Variants in ZNF114 observed in about 807,000 individuals in gnomAD.
ZNF114 encodes zinc finger protein 114 (Y18).
Under a neutral mutation model 6.8 loss-of-function variants are expected in ZNF114, and 8 were observed. The ratio of observed to expected loss-of-function variants is 1.18; its 90% CI spans 0.69 to 2.13. The LOEUF is 2.13. Ranked by LOEUF, ZNF114 falls within the 30% of genes most tolerant of loss-of-function variation. The probability of loss-of-function intolerance (pLI) is 0.00; values close to 1 mark genes in which losing one functional copy is unlikely to be tolerated. For synonymous variants in ZNF114, 169 were observed against 185.5 expected, an observed-to-expected ratio of 0.91 and a Z score of 0.72; for missense variants, 472 against 519.5, an observed-to-expected ratio of 0.91 and a Z score of 0.89.
Position 48,286,560 on chromosome 19 carries a change from CT to C in ZNF114, c.943del (p.Tyr315IlefsTer6), listed in dbSNP as rs751350196. 96 of 1,614,064 alleles carry C rather than the reference CT, an allele frequency of 5.9e-5. 3 individuals are homozygous for C. Among genetic ancestry groups the C allele is most frequent in the South Asian group, 5.5e-4 (50 of 91,070 alleles). ...THKCPECGRA[F>X]FYQSFLMRHM... ...ATAAATGCCCCGAATGTGGGAGAGC[CT>C]TTTTTTATCAGTCATTCCTTATGAG... is the stretch of plus-strand genomic sequence containing the variant. On this transcript the variant is annotated frameshift_variant, in exon 6 of 6. Transcript: ENST00000595607. LOFTEE classifies it low-confidence loss of function (END_TRUNC).
intron 3 of ZNF114, among the ~76,000 whole-genome samples, chr19:48,277,561 A>G (rs1384894360): frequency 6.6e-6 from 1 of 151,854 alleles, no homozygotes; most frequent in Non-Finnish European, 1.5e-5. Context: ...GTGTGTTTCC[A>G]TCAATTGCAA....
At chr19:48,283,696 C>A (rs35546344) in intron 5 of ZNF114, among the ~76,000 whole-genome samples, 1 of 151,472 alleles carries the variant, frequency 6.6e-6, no homozygotes, top group Non-Finnish European at 1.5e-5. Context: ...TGGGAGGAGA[C>A]GCTCAAATTC....
chr19:48,271,436 G>C lies in ZNF114; in HGVS notation c.-185G>C, dbSNP rs1460997281. 1 of 151,934 alleles carries C rather than the reference G, an allele frequency of 6.6e-6. No homozygotes were observed. Among genetic ancestry groups the C allele is most frequent in the Non-Finnish European group, 1.5e-5 (1 of 68,112 alleles). The allele number at this position is 151,934 out of a possible 1,614,324, so 9.4% of individuals were successfully genotyped here. A position where few individuals can be genotyped will look rare whatever the true frequency, so the allele number is the denominator to read the frequency against. On this transcript the variant is annotated 5_prime_UTR_variant, in exon 2 of 6. Coordinates refer to ENST00000595607, the MANE Select transcript of ZNF114 (RefSeq NM_153608.4). ...AGGCTGGGGTTTCCTGCTTGGATCA[G>C]GAGTGCCTGGGGAGTAAGTTCTACA... is the stretch of plus-strand genomic sequence containing the variant.
At chr19:48,281,878 C>G (rs1052040459) in intron 4 of ZNF114, among the ~76,000 whole-genome samples, 1 of 149,582 alleles carries the variant, frequency 6.7e-6, no homozygotes, top group Non-Finnish European at 1.5e-5. Flanking sequence ...CCACCCAACC[C>G]CCAGTACAAC....
In ZNF114 at chr19:48,279,817, G is replaced by C. The variant is rs745548545; in HGVS notation, c.9+9G>C. On this transcript the variant is annotated intron_variant, in intron 4 of 5. Coordinates refer to ENST00000595607, the MANE Select transcript of ZNF114 (RefSeq NM_153608.4). ...TGACAAATATGTCCCAGGTAAGTTG[G>C]CAGCTCACCCTCTCCCAGAAGCGTG... 2.5e-6 allele frequency: 4 copies of C among 1,613,826 alleles called. No individual in the cohort carries two copies. In the African/African-American group the frequency reaches 5.3e-5, roughly 22 times the overall value.
Position 48,283,610 on chromosome 19 carries a change from G to A in ZNF114, c.136+1113G>A, listed in dbSNP as rs753237298. The stretch of plus-strand genomic sequence containing the variant: ...CAGCAGCATGGTAACAGAGCAACAG[G>A]CTCGCCACTGAGACAGCAGGGTTTG... On this transcript the variant is annotated intron_variant, in intron 5 of 5. Transcript: ENST00000595607. Among the ~76,000 whole-genome samples the A allele has an allele frequency of 8.6e-4, 131 of 152,224 alleles. 1 individual carries two copies. The highest frequency in any genetic ancestry group is 3.7e-4 in the Non-Finnish European group (25 of 67,998).
chr19:48,286,733 T>C lies in ZNF114; in HGVS notation c.1109T>C (p.Ile370Thr). The C allele has an allele frequency of 6.2e-7, 1 of 1,613,822 alleles. No individual in the cohort carries two copies. The highest frequency in any genetic ancestry group is 8.5e-7 in the Non-Finnish European group (1 of 1,179,968). ...PYECEECGKVIRESSKYTHIR... is the reference protein window; with the variant it reads ...PYECEECGKVTRESSKYTHIR... The stretch of plus-strand genomic sequence containing the variant: ...GAATGTGAAGAATGTGGGAAAGTCA[T>C]TCGGGAGTCCTCAAAATATACACAT... Residue 370 changes from isoleucine (I) to threonine (T), a missense_variant, in exon 6 of 6, where the codon ATT becomes ACT. Transcript: ENST00000595607.
Position 48,272,673 on chromosome 19 carries a change from C to CAAAAAAAAAAAAAA in ZNF114, c.-70+857_-70+870dup, listed in dbSNP as rs57823987. On this transcript the variant is annotated intron_variant, in intron 3 of 5. Coordinates refer to ENST00000595607, the MANE Select transcript of ZNF114 (RefSeq NM_153608.4). ...TGGGCGACAGAGCAAGACTCTCTCT[C>CAAAAAAAAAAAAAA]AAAAAAAAAAAAAAAAAAAAAAAAA... 2.7e-3 allele frequency among the ~76,000 whole-genome samples: 105 copies of CAAAAAAAAAAAAAA among 39,220 alleles called. 10 individuals are homozygous for CAAAAAAAAAAAAAA. Among genetic ancestry groups the CAAAAAAAAAAAAAA allele is most frequent in the African/African-American group, 6.7e-3 (57 of 8,550 alleles). 25.7% of individuals were successfully genotyped at this position (39,220 alleles called of 152,430 possible).
At chr19:48,270,731 A>G (rs1014223024) in intron 1 of ZNF114, among the ~76,000 whole-genome samples, 1 of 149,780 alleles carries the variant, frequency 6.7e-6, no homozygotes, top group Non-Finnish European at 1.5e-5. Flanking sequence ...AAAGAAAGAG[A>G]AAAAAGGGAA....
At position 48,286,164 on chromosome 19, in the gene ZNF114, G is replaced by A; in HGVS notation, c.540G>A (p.Leu180=). The change falls in exon 6 of 6, where the codon TTG becomes TTA. Residue 180 remains leucine (L), a synonymous_variant. Coordinates refer to ENST00000595607, the MANE Select transcript of ZNF114 (RefSeq NM_153608.4). ...THENNEDDGV[L]GWNIQWVPCG... is the part of the protein sequence containing the mutation. ...AAAACAACGAAGACGATGGAGTCTT[G>A]GGGTGGAACATTCAGTGGGTTCCGT... The A allele has an allele frequency of 1.2e-6, 2 of 1,614,198 alleles. No homozygotes were observed.
At position 48,286,696 on chromosome 19, in the gene ZNF114, A is replaced by G. The variant is rs777196307; in HGVS notation, c.1072A>G (p.Lys358Glu). 4.3e-6 allele frequency: 7 copies of G among 1,613,350 alleles called. No homozygotes were observed. In the Admixed American group the frequency reaches 1.2e-4, roughly 27 times the overall value. ...NKHLRKHVVQ[K>E]KPYECEECGK... ...ACATTTAAGAAAGCATGTTGTGCAG[A>G]AGAAGCCCTACGAATGTGAAGAATG... The change falls in exon 6 of 6, where the codon AAG becomes GAG. Residue 358 changes from lysine (K) to glutamate (E), a missense_variant. Coordinates refer to ENST00000595607, the MANE Select transcript of ZNF114 (RefSeq NM_153608.4).
chr19:48,277,076 G>A (rs1488011418), intron 3 of ZNF114, among the ~76,000 whole-genome samples: 1 of 152,068 alleles, frequency 6.6e-6, no homozygotes, highest in Non-Finnish European at 1.5e-5. Context: ...CAGGAGAATT[G>A]CTTGAACCCA....
intron 5 of ZNF114, among the ~76,000 whole-genome samples, chr19:48,285,082 T>C (rs1968083012): frequency 6.6e-6 from 1 of 152,242 alleles, no homozygotes. Flanking sequence ...GTTGAACCCC[T>C]GACCTTACCG....
intron 5 of ZNF114, among the ~76,000 whole-genome samples, chr19:48,283,341 C>T (rs1911025016): frequency 1.3e-5 from 2 of 152,178 alleles, no homozygotes; most frequent in African/African-American, 4.8e-5. Context: ...CTTCTATTCA[C>T]ACATCATCAG....
At chr19:48,279,455 TG>T (rs1366327797) in intron 3 of ZNF114, among the ~76,000 whole-genome samples, 1 of 26,100 alleles carries the variant, frequency 3.8e-5, no homozygotes, top group East Asian at 1.7e-3. Flanking sequence ...GGGGCGGGGG[TG>T]GGGGGATGGG....
At chr19:48,275,994 G>A (rs1190474364) in intron 3 of ZNF114, among the ~76,000 whole-genome samples, 1 of 142,564 alleles carries the variant, frequency 7.0e-6, no homozygotes, top group African/African-American at 2.5e-5. Context: ...AAAAAAAAAA[G>A]CTATAATGGC....
At chr19:48,273,654 T>C (rs1370851382) in intron 3 of ZNF114, among the ~76,000 whole-genome samples, 1 of 151,928 alleles carries the variant, frequency 6.6e-6, no homozygotes, top group Non-Finnish European at 1.5e-5. Flanking sequence ...AGACGTGGAA[T>C]GTTGTGTCTC....
rs1967883346 is a variant in ZNF114, at chr19:48,277,797, GTGTGTGTGTGTGT to G, written c.-69-1933_-69-1921del. Among the ~76,000 whole-genome samples, 5 of 132,976 alleles carry G rather than the reference GTGTGTGTGTGTGT, an allele frequency of 3.8e-5. No individual in the cohort carries two copies. The South Asian group carries it at 6.9e-4, about 18-fold the overall frequency. The allele number at this position is 132,976 out of a possible 152,430, so 87.2% of individuals were successfully genotyped here. ...TAGACTGACCAGGGAGGCATTGGGTGTGTGTGTGTGTGTGTGTGTGTGTGTGTGTGTGTGTGTT... is the reference window on the plus strand; with the variant it reads ...TAGACTGACCAGGGAGGCATTGGGTGGTGTGTGTGTGTGTGTGTGTGTGTT... On this transcript the variant is annotated intron_variant, in intron 3 of 5. Transcript: ENST00000595607.
chr19:48,273,820 T>C (rs1023854775), intron 3 of ZNF114, among the ~76,000 whole-genome samples: 67 of 148,366 alleles, frequency 4.5e-4, no homozygotes, highest in Non-Finnish European at 1.6e-4. Context: ...TGCAGTGGCG[T>C]TATCTCGGCT....
Sources: gnomAD v4.1 joint callset for allele counts (sites outside exome capture counted in the v4.1 genomes callset) on GRCh38, gnomAD v4.1.1 for gene constraint, MANE v1.5 for transcripts, NCBI Gene and HGNC (gene_info 2026-07-23, HGNC 2026-07-21) for gene names.